The following IL23R variants were observed in gnomAD, a reference collection of about 807,000 sequenced individuals.
The protein encoded by IL23R is interleukin-23 receptor.
IL23R carries 34 observed loss-of-function variants against 56.9 expected under a neutral mutation model. The observed-to-expected ratio is 0.60, with a 90% CI of 0.45 to 0.80. IL23R has a LOEUF of 0.80. IL23R is among the 30% of genes least tolerant of loss of function. IL23R has a pLI of 0.00. For missense variants in IL23R, 635 were observed against 730.0 expected (o/e 0.87, Z 1.50); for synonymous variants, 230 against 249.2 (o/e 0.92, Z 0.73).
chr1:67,242,007 G>A (rs11581607), intron 9 of IL23R, among the ~76,000 whole-genome samples: 6,990 of 152,178 alleles, frequency 0.046, 218 homozygotes, highest in Non-Finnish European at 0.066. Context: ...CTATTATTTC[G>A]CATAACTTTC....
At chr1:67,235,753 G>T (rs1231410359) in intron 7 of IL23R, among the ~76,000 whole-genome samples, 3 of 152,100 alleles carry the variant, frequency 2.0e-5, no homozygotes, top group African/African-American at 7.2e-5. Flanking sequence ...GGAAATGTAG[G>T]ACACTTTTCT....
At chr1:67,186,971 AT>A (rs2102595140) in intron 4 of IL23R, among the ~76,000 whole-genome samples, 1 of 152,110 alleles carries the variant, frequency 6.6e-6, no homozygotes, top group Non-Finnish European at 1.5e-5. Flanking sequence ...CATTTTATTT[AT>A]TTATTCCTTG....
At chr1:67,246,698 C>T (rs1203842887) in intron 9 of IL23R, among the ~76,000 whole-genome samples, 1 of 152,128 alleles carries the variant, frequency 6.6e-6, no homozygotes, top group African/African-American at 2.4e-5. Context: ...GATTTCCATT[C>T]TTTTGCATTT....
chr1:67,161,299 TC>T (rs1646817127), intron 1 of IL23R, among the ~76,000 whole-genome samples: 1 of 152,340 alleles, frequency 6.6e-6, no homozygotes, highest in South Asian at 2.1e-4. Context: ...CTATTTACGT[TC>T]CTTTCCTTGA....
chr1:67,153,876 C>T (rs1646749735), intron 1 of IL23R, among the ~76,000 whole-genome samples: 1 of 152,104 alleles, frequency 6.6e-6, no homozygotes, highest in African/African-American at 2.4e-5. Flanking sequence ...CTCCATTCTC[C>T]TGCCTCAGTC....
chr1:67,169,651 G>A lies in IL23R; in HGVS notation c.367+13G>A. 1.9e-6 allele frequency: 3 copies of A among 1,612,186 alleles called. No individual in the cohort carries two copies. Among genetic ancestry groups the A allele is most frequent in the South Asian group, 2.2e-5 (2 of 90,978 alleles). ...ATTTCTTCTGGATGTAAGTGTTGGG[G>A]CACATTTGAAATGCAAACAAAAGCT... On this transcript the variant is annotated intron_variant, in intron 3 of 10. Coordinates refer to ENST00000347310, the MANE Select transcript of IL23R (RefSeq NM_144701.3).
At chr1:67,168,015 C>A in intron 1 of IL23R, 77 bp from the exon 2 acceptor site, 2 of 825,720 alleles carry the variant, frequency 2.4e-6, no homozygotes, top group South Asian at 1.5e-5. Context: ...TACAATAATT[C>A]TTAGGGAAAA....
intron 9 of IL23R, among the ~76,000 whole-genome samples, 156 bp downstream of exon 9, chr1:67,240,437 T>C (rs1291802181): frequency 6.6e-6 from 1 of 152,220 alleles, no homozygotes; most frequent in Non-Finnish European, 1.5e-5. Context: ...TACTTACCCA[T>C]GCCAAACTCT....
At chr1:67,239,339 C>T (rs1394772233) in intron 8 of IL23R, among the ~76,000 whole-genome samples, 1 of 152,258 alleles carries the variant, frequency 6.6e-6, no homozygotes, top group Admixed American at 6.5e-5. Context: ...CCTCAGCTCA[C>T]TGCAACCTCC....
chr1:67,200,681 G>A (rs563779226), intron 4 of IL23R, 56 bp from the exon 5 acceptor site: 4 of 1,573,760 alleles, frequency 2.5e-6, no homozygotes, highest in Non-Finnish European at 3.5e-6. Context: ...CACCATGCCT[G>A]GCCAATTAAT....
chr1:67,207,304 C>T, intron 6 of IL23R: 1 of 548,920 alleles, frequency 1.8e-6, no homozygotes, highest in Non-Finnish European at 3.3e-6. Flanking sequence ...ATCCTGTCAC[C>T]CAGGTGCTAA....
intron 7 of IL23R, among the ~76,000 whole-genome samples, chr1:67,229,417 A>G (rs1053526075): frequency 7.2e-5 from 11 of 152,226 alleles, no homozygotes; most frequent in Non-Finnish European, 1.6e-4. Flanking sequence ...CCTGCCAGGA[A>G]CCTCCATGTG....
chr1:67,228,201 C>CCTTCCTTCCTT (rs1650861398), intron 7 of IL23R, among the ~76,000 whole-genome samples: 3 of 76,300 alleles, frequency 3.9e-5, no homozygotes, highest in Non-Finnish European at 8.3e-5. Context: ...CTTCCTTCCT[C>CCTTCCTTCCTT]CCTTCTTTTT....
intron 6 of IL23R, chr1:67,207,793 A>G (rs1206064208): frequency 1.7e-5 from 3 of 180,560 alleles, no homozygotes; most frequent in African/African-American, 4.8e-5. Context: ...GTACCAGTAG[A>G]GTGGGGCATT....
At chr1:67,177,554 C>G (rs1220838118) in intron 3 of IL23R, among the ~76,000 whole-genome samples, 2 of 151,776 alleles carry the variant, frequency 1.3e-5, no homozygotes, top group Admixed American at 6.6e-5. Flanking sequence ...AAAATTTTCT[C>G]CCATTCTGTA....
upstream of IL23R, among the ~76,000 whole-genome samples, chr1:67,164,642 A>AAAAT (rs1646854411): frequency 1.4e-5 from 2 of 147,312 alleles, no homozygotes; most frequent in Non-Finnish European, 3.0e-5. Context: ...AAAATAAAAT[A>AAAAT]AAATAAAATA....
intron 3 of IL23R, among the ~76,000 whole-genome samples, chr1:67,181,244 A>G (rs1647137297): frequency 6.6e-6 from 1 of 152,102 alleles, no homozygotes; most frequent in South Asian, 2.1e-4. Context: ...GCTTGGTTCC[A>G]TTCTCCCTGT....
At chr1:67,223,978 G>C (rs866514158) in intron 7 of IL23R, among the ~76,000 whole-genome samples, 2 of 151,456 alleles carry the variant, frequency 1.3e-5, no homozygotes, top group African/African-American at 4.8e-5. Context: ...GCTTTTTACC[G>C]AATCTTTAAT....
chr1:67,168,182 G>A lies in IL23R; in HGVS notation c.62G>A (p.Cys21Tyr). ...VIALYILFSW[C>Y]HGGITNINCS... The stretch of plus-strand genomic sequence containing the variant: ...GCCCTTTACATACTCTTCAGCTGGT[G>A]TCATGGAGGTATGGTGTTTTATGTA... Residue 21 changes from cysteine (C) to tyrosine (Y), a missense_variant, in exon 2 of 11, where the codon TGT becomes TAT. By Grantham distance (194) the Cys-to-Tyr change is radical. Coordinates refer to ENST00000347310, the MANE Select transcript of IL23R (RefSeq NM_144701.3). The A allele has an allele frequency of 6.2e-7, 1 of 1,605,204 alleles. No individual in the cohort carries two copies. The highest frequency in any genetic ancestry group is 1.1e-5 in the South Asian group (1 of 90,858).
Sources: allele counts gnomAD v4.1 joint callset (sites outside exome capture counted in the v4.1 genomes callset), GRCh38; gene constraint gnomAD v4.1.1; transcripts MANE v1.5; gene names NCBI Gene and HGNC (gene_info 2026-07-23, HGNC 2026-07-21).